Variants in SLC22A15 observed in about 807,000 individuals in gnomAD.
The protein encoded by SLC22A15 is solute carrier family 22 member 15.
Under a neutral mutation model 62.7 loss-of-function variants are expected in SLC22A15, and 45 were observed. That is an observed-to-expected ratio of 0.72 (90% confidence interval 0.56 to 0.92). SLC22A15 has a LOEUF of 0.92. Ranked by LOEUF, SLC22A15 falls within the 40% of genes least tolerant of loss-of-function variation. The pLI is 0.00. For missense variants in SLC22A15, 622 were observed against 665.6 expected, an observed-to-expected ratio of 0.93 and a Z score of 0.72; for synonymous variants, 264 against 267.0, an observed-to-expected ratio of 0.99 and a Z score of 0.11.
intron 8 of SLC22A15, among the ~76,000 whole-genome samples, chr1:116,051,134 T>C (rs1658038812): frequency 6.6e-6 from 1 of 151,902 alleles, no homozygotes; most frequent in Non-Finnish European, 1.5e-5. Context: ...ATTGTGAAAA[T>C]TGCCAAAAAC....
At chr1:116,019,214 A>G (rs778906532) in intron 2 of SLC22A15, among the ~76,000 whole-genome samples, 1 of 152,228 alleles carries the variant, frequency 6.6e-6, no homozygotes, top group African/African-American at 2.4e-5. Context: ...CATATATGTC[A>G]TATAGTGTAT....
chr1:116,036,328 T>A (rs1657626931), intron 7 of SLC22A15, among the ~76,000 whole-genome samples: 1 of 152,200 alleles, frequency 6.6e-6, no homozygotes, highest in African/African-American at 2.4e-5. Flanking sequence ...GGGTATCTTA[T>A]GTGTCTTTGT....
At chr1:116,016,257 T>G (rs372981082) in intron 2 of SLC22A15, among the ~76,000 whole-genome samples, 1 of 145,550 alleles carries the variant, frequency 6.9e-6, no homozygotes, top group Non-Finnish European at 1.5e-5. Context: ...TGGAGTGCAA[T>G]GGCACTCTGT....
intron 10 of SLC22A15, among the ~76,000 whole-genome samples, chr1:116,065,512 G>T (rs1233506773): frequency 6.6e-6 from 1 of 152,176 alleles, no homozygotes; most frequent in Non-Finnish European, 1.5e-5. Context: ...GAAAGTGTGT[G>T]TTCCCCTTGT....
intron 6 of SLC22A15, 45 bp from the exon 7 acceptor site, chr1:116,035,142 T>A: frequency 1.9e-6 from 3 of 1,586,076 alleles, no homozygotes; most frequent in South Asian, 2.3e-5. Flanking sequence ...TTTTCTGTTG[T>A]CCTTCTTGTC....
At position 116,040,158 on chromosome 1, in the gene SLC22A15, G is replaced by A. The variant is rs1247615982; in HGVS notation, c.1171+2770G>A. 2.0e-5 allele frequency among the ~76,000 whole-genome samples: 3 copies of A among 152,204 alleles called. No individual in the cohort carries two copies. The East Asian group carries it at 5.8e-4, about 29-fold the overall frequency. Reference sequence around the variant, plus strand: ...ACTGTGACAATGTATCTCTAGAAGAGATAGCCAGTAAGCCAGAAAATAGAT... The same window carrying A: ...ACTGTGACAATGTATCTCTAGAAGAAATAGCCAGTAAGCCAGAAAATAGAT... On this transcript the variant is annotated intron_variant, in intron 8 of 11. Transcript: ENST00000369503.
chr1:116,051,753 G>A (rs1174636842), intron 8 of SLC22A15, among the ~76,000 whole-genome samples: 1 of 152,188 alleles, frequency 6.6e-6, no homozygotes, highest in African/African-American at 2.4e-5. Context: ...CGTAGGACAT[G>A]TCCAGCAGCT....
intron 2 of SLC22A15, among the ~76,000 whole-genome samples, chr1:116,003,145 C>T (rs1223886550): frequency 1.3e-5 from 2 of 151,840 alleles, no homozygotes; most frequent in East Asian, 2.0e-4. Flanking sequence ...GAAATGTCAT[C>T]CAGGAGTTAT....
At chr1:116,029,299 C>G (rs1657276514) in intron 5 of SLC22A15, among the ~76,000 whole-genome samples, 1 of 151,984 alleles carries the variant, frequency 6.6e-6, no homozygotes. Flanking sequence ...TTCTGAAAAC[C>G]AGGGTCCCCT....
chr1:116,028,886 T>C (rs1372910774), intron 5 of SLC22A15, among the ~76,000 whole-genome samples: 4 of 152,226 alleles, frequency 2.6e-5, no homozygotes, highest in East Asian at 1.9e-4. Flanking sequence ...TTTTCTCAAA[T>C]GCCGTCCACC....
At chr1:115,998,773 A>G (rs375031906) in intron 2 of SLC22A15, among the ~76,000 whole-genome samples, 4 of 151,666 alleles carry the variant, frequency 2.6e-5, no homozygotes, top group African/African-American at 9.7e-5. Flanking sequence ...TAAAATTTCA[A>G]TTTCATTTAT....
chr1:116,017,164 G>A (rs1413364748), intron 2 of SLC22A15, among the ~76,000 whole-genome samples: 1 of 151,784 alleles, frequency 6.6e-6, no homozygotes, highest in African/African-American at 2.4e-5. Flanking sequence ...TTTTTTTGTG[G>A]TTGGTTACTT....
intron 7 of SLC22A15, 40 bp from the exon 8 acceptor site, chr1:116,037,263 G>T: frequency 6.7e-7 from 1 of 1,501,430 alleles, no homozygotes; most frequent in Middle Eastern, 1.7e-4. Flanking sequence ...GAATTTATAA[G>T]GTTCTTAAGA....
At chr1:116,041,561 C>T (rs1427222891) in intron 8 of SLC22A15, among the ~76,000 whole-genome samples, 1 of 152,176 alleles carries the variant, frequency 6.6e-6, no homozygotes, top group Non-Finnish European at 1.5e-5. Context: ...AAAGTAGGCT[C>T]TGAAAATGCC....
Position 116,020,891 on chromosome 1 carries a change from A to G in SLC22A15, c.598+6A>G, listed in dbSNP as rs749803918. On this transcript the variant is annotated splice_donor_region_variant and intron_variant, in intron 4 of 11. Transcript: ENST00000369503. ...CGCCTACTGGGCACTTGCAGGTACT[A>G]CTTAAATCATGCAGCTCTGGACTGG... The G allele has an allele frequency of 3.7e-6, 6 of 1,609,726 alleles. No homozygotes were observed. Among genetic ancestry groups the G allele is most frequent in the Non-Finnish European group, 5.1e-6 (6 of 1,177,648 alleles).
rs1468692499 is a variant in SLC22A15, at chr1:115,976,543, C to G, written c.-85C>G. 4.1e-6 allele frequency: 4 copies of G among 983,962 alleles called. No homozygotes were observed. Among genetic ancestry groups the G allele is most frequent in the African/African-American group, 1.7e-5 (1 of 58,974 alleles). The allele number at this position is 983,962 out of a possible 1,614,324, so 61.0% of individuals were successfully genotyped here. On this transcript the variant is annotated 5_prime_UTR_variant, in exon 1 of 12. Transcript: ENST00000369503. The stretch of plus-strand genomic sequence containing the variant: ...CGCCCCGGCGGGTCCAAGCCGGTGC[C>G]GGGCGCCCAGGGGTTGCCGCGCTGG...
At chr1:116,023,039 G>C (rs1323062734) in intron 4 of SLC22A15, among the ~76,000 whole-genome samples, 1 of 152,146 alleles carries the variant, frequency 6.6e-6, no homozygotes, top group Non-Finnish European at 1.5e-5. Flanking sequence ...ATATGCTTAT[G>C]AATTGCAAGA....
intron 1 of SLC22A15, among the ~76,000 whole-genome samples, chr1:115,987,522 T>C (rs946035994): frequency 1.3e-5 from 2 of 152,158 alleles, no homozygotes; most frequent in African/African-American, 2.4e-5. Context: ...GGTGTGTTAG[T>C]GTGTCTCAAA....
chr1:116,023,616 G>T (rs1427040596), intron 4 of SLC22A15, among the ~76,000 whole-genome samples: 2 of 152,120 alleles, frequency 1.3e-5, no homozygotes, highest in African/African-American at 4.8e-5. Flanking sequence ...GGGATGATTT[G>T]GGGGAGGTTC....
Sources: allele counts gnomAD v4.1 joint callset (sites outside exome capture counted in the v4.1 genomes callset), GRCh38; gene constraint gnomAD v4.1.1; transcripts MANE v1.5; gene names NCBI Gene and HGNC (gene_info 2026-07-23, HGNC 2026-07-21).